WAC: variants seen among roughly 807,000 people sequenced by gnomAD.
WAC encodes WW domain containing adaptor with coiled-coil.
WAC carries 11 observed loss-of-function variants against 79.6 expected under a neutral mutation model. That is an observed-to-expected ratio of 0.14 (90% CI 0.09 to 0.23). WAC has a LOEUF of 0.23. Ranked by LOEUF, WAC falls within the 10% of genes least tolerant of loss-of-function variation. The pLI is 1.00. For missense variants in WAC, 728 were observed against 773.5 expected (o/e 0.94, Z 0.70); for synonymous variants, 304 against 276.9 (o/e 1.10, Z -0.97).
Position 28,589,831 on chromosome 10 carries a change from A to G in WAC, c.477A>G (p.Lys159=). ...NCRTEVSQWE[K]PKEWLEREQR... ...GAACAGAAGTTTCACAATGGGAAAA[A>G]CCAAAAGAGTGGCTTGAAAGGTAAT... Residue 159 remains lysine, a synonymous_variant, in exon 5 of 14, where the codon AAA becomes AAG. Coordinates refer to ENST00000354911, the MANE Select transcript of WAC (RefSeq NM_016628.5). The G allele has an allele frequency of 6.2e-7, 1 of 1,612,528 alleles. No homozygotes were observed. The highest frequency in any genetic ancestry group is 2.2e-5 in the East Asian group (1 of 44,824).
intron 3 of WAC, among the ~76,000 whole-genome samples, chr10:28,549,178 T>A (rs558754414): frequency 1.3e-5 from 2 of 152,286 alleles, no homozygotes; most frequent in East Asian, 3.9e-4. Context: ...GGATAATGGG[T>A]GTGAGCCACC....
chr10:28,534,198 C>T lies in WAC; in HGVS notation c.78+164C>T, dbSNP rs561097782. ...AAAATTCCAGGTTTGGTTCCTTTAG[C>T]GCTCTCCAGCAAGGTTTAGTGACTT... On this transcript the variant is annotated intron_variant, in intron 2 of 13. Transcript: ENST00000354911. 1.9e-4 allele frequency: 116 copies of T among 600,722 alleles called. 3 individuals are homozygous for T. In the South Asian group the frequency reaches 2.9e-3, roughly 15 times the overall value. 37.2% of individuals were successfully genotyped at this position (600,722 alleles called of 1,614,324 possible). A position where few individuals can be genotyped will look rare whatever the true frequency, so the allele number is the denominator to read the frequency against.
intron 4 of WAC, among the ~76,000 whole-genome samples, chr10:28,586,162 T>C (rs1839812709): frequency 6.6e-6 from 1 of 152,240 alleles, no homozygotes; most frequent in Non-Finnish European, 1.5e-5. Flanking sequence ...TAGAGTTATC[T>C]ACACAGATAT....
intron 3 of WAC, among the ~76,000 whole-genome samples, chr10:28,578,013 G>C (rs1199774081): frequency 7.9e-5 from 12 of 152,132 alleles, no homozygotes; most frequent in Admixed American, 5.2e-4. Flanking sequence ...ACAAAAATTA[G>C]TGGGACATGG....
At chr10:28,553,771 TTG>T (rs374358526) in intron 3 of WAC, among the ~76,000 whole-genome samples, 93 of 152,316 alleles carry the variant, frequency 6.1e-4, no homozygotes, top group African/African-American at 2.2e-3. Flanking sequence ...AAAAGGATGG[TTG>T]TGTCTTTACT....
chr10:28,581,453 CAT>C (rs955738677), intron 3 of WAC, among the ~76,000 whole-genome samples: 3 of 152,028 alleles, frequency 2.0e-5, no homozygotes, highest in Non-Finnish European at 2.9e-5. Context: ...TAGATTCCCA[CAT>C]GTCTGTCAAG....
intron 3 of WAC, among the ~76,000 whole-genome samples, chr10:28,572,104 C>T (rs557060152): frequency 4.6e-5 from 7 of 151,952 alleles, no homozygotes; most frequent in African/African-American, 1.7e-4. Flanking sequence ...TTTGGGAGGC[C>T]GAGGCGGGTG....
chr10:28,589,902 T>C (rs1365060717), intron 5 of WAC, 51 bp downstream of exon 5: 1 of 1,329,344 alleles, frequency 7.5e-7, no homozygotes, highest in African/African-American at 1.5e-5. Flanking sequence ...TTGGTTCTAC[T>C]GGTTAACATC....
chr10:28,535,791 A>G (rs1261837835), intron 3 of WAC, 34 bp downstream of exon 3: 6 of 1,561,502 alleles, frequency 3.8e-6, no homozygotes, highest in East Asian at 2.3e-5. Context: ...TTTGACATAC[A>G]GTTTTAACAA....
chr10:28,549,142 TC>T (rs1708162816), intron 3 of WAC, among the ~76,000 whole-genome samples: 1 of 146,622 alleles, frequency 6.8e-6, no homozygotes, highest in Admixed American at 6.8e-5. Flanking sequence ...TAAGTAATCC[TC>T]CTGCTTCAGC....
intron 4 of WAC, among the ~76,000 whole-genome samples, chr10:28,585,010 G>T (rs1444359503): frequency 6.6e-6 from 1 of 152,150 alleles, no homozygotes; most frequent in Middle Eastern, 3.2e-3. Context: ...GGAGGTTGCA[G>T]TGAGCCAAGA....
chr10:28,542,959 C>A (rs144822917), intron 3 of WAC, among the ~76,000 whole-genome samples: 58 of 152,276 alleles, frequency 3.8e-4, no homozygotes, highest in African/African-American at 1.3e-3. Context: ...ATGTTTTTAT[C>A]CACCTTGTAT....
chr10:28,612,959 T>TG, intron 10 of WAC, among the ~76,000 whole-genome samples: 1 of 152,130 alleles, frequency 6.6e-6, no homozygotes, highest in Non-Finnish European at 1.5e-5. Context: ...AGTATTGGTT[T>TG]TATAGTCACT....
At chr10:28,545,034 C>T in intron 3 of WAC, among the ~76,000 whole-genome samples, 1 of 91,104 alleles carries the variant, frequency 1.1e-5, no homozygotes, top group South Asian at 4.2e-4. Context: ...GAGTGAGACT[C>T]TGTCTCAAAA....
intron 3 of WAC, among the ~76,000 whole-genome samples, chr10:28,572,398 A>T (rs1839023293): frequency 6.6e-6 from 1 of 151,956 alleles, no homozygotes; most frequent in Admixed American, 6.5e-5. Flanking sequence ...CTTGCTTTAA[A>T]TTTGGTGGTC....
At chr10:28,612,175 G>T (rs998436569) in intron 10 of WAC, among the ~76,000 whole-genome samples, 1 of 152,174 alleles carries the variant, frequency 6.6e-6, no homozygotes, top group Non-Finnish European at 1.5e-5. Flanking sequence ...CACATGGAGA[G>T]TGAGATAAAG....
intron 3 of WAC, chr10:28,538,477 G>A (rs557268120): frequency 1.4e-4 from 21 of 154,350 alleles, no homozygotes; most frequent in Non-Finnish European, 2.5e-4. Context: ...AACTACTAGG[G>A]AGGCTGAGGC....
At chr10:28,543,452 C>T (rs1837173254) in intron 3 of WAC, among the ~76,000 whole-genome samples, 1 of 152,222 alleles carries the variant, frequency 6.6e-6, no homozygotes, top group Non-Finnish European at 1.5e-5. Context: ...ACATTTACAG[C>T]ACATTTCAGT....
chr10:28,590,609 T>C, intron 5 of WAC, 111 bp from the exon 6 acceptor site: 1 of 830,662 alleles, frequency 1.2e-6, no homozygotes, highest in Non-Finnish European at 1.9e-6. Flanking sequence ...CCATGTTCAC[T>C]CCTTTTGTTT....
Sources: allele counts gnomAD v4.1 joint callset (sites outside exome capture counted in the v4.1 genomes callset), GRCh38; gene constraint gnomAD v4.1.1; transcripts MANE v1.5; gene names NCBI Gene and HGNC (gene_info 2026-07-23, HGNC 2026-07-21).